ARB2A: variants seen among roughly 807,000 people sequenced by gnomAD.
ARB2A encodes ARB2 cotranscriptional regulator A, also known as cotranscriptional regulator ARB2A.
chr5:93,894,325 T>C, the ARB2A span, among the ~76,000 whole-genome samples: 1 of 152,160 alleles, frequency 6.6e-6, no homozygotes, highest in African/African-American at 2.4e-5. Context: ...AGGAACTGTC[T>C]AAAGCAAGCA....
chr5:93,848,088 A>T, the ARB2A span, among the ~76,000 whole-genome samples: 1 of 152,244 alleles, frequency 6.6e-6, no homozygotes, highest in Admixed American at 6.5e-5. Context: ...CAAATTTTTT[A>T]AAAAAGAGAG....
At chr5:93,776,078 A>C in the ARB2A span, 1 of 1,164,218 alleles carries the variant, frequency 8.6e-7, no homozygotes, top group Non-Finnish European at 1.2e-6. Flanking sequence ...ACTAATTCAC[A>C]AAACAGAATT....
At chr5:93,925,472 ACT>A in the ARB2A span, among the ~76,000 whole-genome samples, 1 of 152,098 alleles carries the variant, frequency 6.6e-6, no homozygotes, top group South Asian at 2.1e-4. Context: ...ATGTGTTCAC[ACT>A]CTCCATGACA....
the ARB2A span, among the ~76,000 whole-genome samples, chr5:93,642,889 C>A: frequency 6.6e-6 from 1 of 152,080 alleles, no homozygotes; most frequent in African/African-American, 2.4e-5. Context: ...TAAAAGTTAA[C>A]CACCTATAGA....
At chr5:93,950,834 C>T in the ARB2A span, among the ~76,000 whole-genome samples, 1 of 151,412 alleles carries the variant, frequency 6.6e-6, no homozygotes, top group Non-Finnish European at 1.5e-5. Flanking sequence ...ATCCCAGCTA[C>T]TCGGGAGGCT....
At chr5:93,859,558 A>G in the ARB2A span, among the ~76,000 whole-genome samples, 1 of 152,344 alleles carries the variant, frequency 6.6e-6, no homozygotes, top group South Asian at 2.1e-4. Flanking sequence ...TTTTAAAAAG[A>G]CAAGCCAAAG....
chr5:94,029,261 A>G, the ARB2A span, among the ~76,000 whole-genome samples: 1 of 152,124 alleles, frequency 6.6e-6, no homozygotes, highest in Non-Finnish European at 1.5e-5. Context: ...CAAGGTGCCT[A>G]GATTACAGGT....
chr5:94,027,865 GA>G, the ARB2A span, among the ~76,000 whole-genome samples: 5 of 152,156 alleles, frequency 3.3e-5, no homozygotes. Flanking sequence ...TAGTGGGAAG[GA>G]AGGGGTGATC....
the ARB2A span, chr5:93,881,311 T>C: frequency 1.9e-6 from 1 of 535,388 alleles, no homozygotes; most frequent in Non-Finnish European, 3.2e-6. Context: ...TTTGTAATTC[T>C]GAATTTAAAA....
chr5:93,838,407 C>A, the ARB2A span, among the ~76,000 whole-genome samples: 1 of 152,030 alleles, frequency 6.6e-6, no homozygotes, highest in Non-Finnish European at 1.5e-5. Flanking sequence ...TATAGCCTTG[C>A]AGTAGAATTT....
the ARB2A span, among the ~76,000 whole-genome samples, chr5:94,079,776 C>A: frequency 1.3e-5 from 2 of 152,114 alleles, no homozygotes; most frequent in Non-Finnish European, 2.9e-5. Flanking sequence ...CTTATCATAT[C>A]TCTCCCAATA....
At chr5:93,741,530 G>A in the ARB2A span, 1 of 1,599,166 alleles carries the variant, frequency 6.3e-7, no homozygotes, top group Non-Finnish European at 8.5e-7. Flanking sequence ...CCTGGAAGGG[G>A]GCAGAAGTGG....
At chr5:93,925,724 T>G in the ARB2A span, among the ~76,000 whole-genome samples, 1 of 152,244 alleles carries the variant, frequency 6.6e-6, no homozygotes, top group East Asian at 1.9e-4. Context: ...TTATCCCCCT[T>G]ATCCATGGGG....
At chr5:93,986,582 G>C in the ARB2A span, among the ~76,000 whole-genome samples, 1 of 152,236 alleles carries the variant, frequency 6.6e-6, no homozygotes. Context: ...ATGGAAAAGG[G>C]GGAAGTGTGG....
At chr5:93,979,500 A>G in the ARB2A span, among the ~76,000 whole-genome samples, 3 of 152,118 alleles carry the variant, frequency 2.0e-5, no homozygotes, top group Non-Finnish European at 2.9e-5. Flanking sequence ...ATATTGATTA[A>G]CCAAAAAAAG....
chr5:94,080,311 C>A, the ARB2A span, among the ~76,000 whole-genome samples: 1 of 152,022 alleles, frequency 6.6e-6, no homozygotes, highest in Non-Finnish European at 1.5e-5. Flanking sequence ...TATAAATGTA[C>A]ATAACTCCAG....
chr5:93,805,921 C>T, the ARB2A span: 5 of 985,064 alleles, frequency 5.1e-6, no homozygotes, highest in Non-Finnish European at 4.8e-6. Context: ...TCATGAGTTG[C>T]TGTGAAATAT....
At chr5:93,701,664 C>T in the ARB2A span, among the ~76,000 whole-genome samples, 4 of 151,956 alleles carry the variant, frequency 2.6e-5, no homozygotes. Context: ...AAATCTGCAG[C>T]ACTGCAATGC....
At chr5:94,069,825 A>G in the ARB2A span, among the ~76,000 whole-genome samples, 1 of 152,168 alleles carries the variant, frequency 6.6e-6, no homozygotes, top group African/African-American at 2.4e-5. Context: ...GGGAATTCTT[A>G]TACACTGTTG....
Sources: allele counts gnomAD v4.1 joint callset (sites outside exome capture counted in the v4.1 genomes callset), GRCh38; gene constraint gnomAD v4.1.1; transcripts MANE v1.5; gene names NCBI Gene and HGNC (gene_info 2026-07-23, HGNC 2026-07-21).